The following UGT2B15 variants were observed in gnomAD, a reference collection of about 807,000 sequenced individuals.
UGT2B15 encodes UDP-glucuronosyltransferase 2B15.
Under a neutral mutation model 45.9 loss-of-function variants are expected in UGT2B15, and 36 were observed. The ratio of observed to expected loss-of-function variants is 0.78; its 90% CI spans 0.60 to 1.04. The LOEUF (loss-of-function observed/expected upper bound fraction) is 1.04, where lower values mean the gene tolerates loss of function less well. Among genes scored for constraint, UGT2B15 ranks in the 50% least tolerant of loss-of-function variants. The pLI is 0.00. For missense variants in UGT2B15, 617 were observed against 622.4 expected (o/e 0.99, Z 0.09); for synonymous variants, 219 against 216.4 (o/e 1.01, Z -0.11).
At chr4:68,662,003 C>T (rs944077343) in intron 3 of UGT2B15, among the ~76,000 whole-genome samples, 8 of 152,078 alleles carry the variant, frequency 5.3e-5, no homozygotes, top group African/African-American at 1.9e-4. Context: ...TTTTAGAATT[C>T]CCAAGCAATC....
intron 4 of UGT2B15, among the ~76,000 whole-genome samples, chr4:68,654,557 T>C (rs950597850): frequency 3.3e-5 from 5 of 151,830 alleles, no homozygotes; most frequent in African/African-American, 1.2e-4. Flanking sequence ...AATATTTAAA[T>C]ACTTAAAATA....
chr4:68,647,674 G>A (rs914220942), intron 5 of UGT2B15, among the ~76,000 whole-genome samples: 2 of 152,042 alleles, frequency 1.3e-5, no homozygotes, highest in African/African-American at 4.8e-5. Flanking sequence ...CTATAAGTAA[G>A]ATAGTGGAAA....
Position 68,650,323 on chromosome 4 carries a change from C to CG in UGT2B15, c.1314-2941dup, listed in dbSNP as rs1732614087. Among the ~76,000 whole-genome samples, 10 of 151,960 alleles carry CG rather than the reference C, an allele frequency of 6.6e-5. 1 individual carries two copies. In the South Asian group the frequency reaches 2.1e-3, roughly 32 times the overall value. ...ATACTCTCACTCCCCTTCCATCCCC[C>CG]GGTGTGTGTTGTTCCCCTCCCTGAG... is the stretch of plus-strand genomic sequence containing the variant. On this transcript the variant is annotated intron_variant, in intron 5 of 5. Transcript: ENST00000338206.
chr4:68,664,826 T>C (rs1578200084), intron 2 of UGT2B15, among the ~76,000 whole-genome samples: 2 of 152,022 alleles, frequency 1.3e-5, no homozygotes, highest in Non-Finnish European at 2.9e-5. Flanking sequence ...AGCCTCCCGA[T>C]GTGCTGGGAT....
chr4:68,653,237 C>T (rs1246903027), intron 5 of UGT2B15, among the ~76,000 whole-genome samples: 5 of 151,832 alleles, frequency 3.3e-5, no homozygotes, highest in East Asian at 3.9e-4. Context: ...ATTGGAAAGA[C>T]CTAAAATGTC....
At chr4:68,666,342 T>C (rs1733117971) in intron 2 of UGT2B15, among the ~76,000 whole-genome samples, 1 of 152,170 alleles carries the variant, frequency 6.6e-6, no homozygotes, top group Admixed American at 6.6e-5. Context: ...CAATCACTAT[T>C]AAATGAAGAC....
intron 5 of UGT2B15, among the ~76,000 whole-genome samples, chr4:68,648,788 GTT>G (rs1297009029): frequency 3.3e-5 from 5 of 151,870 alleles, no homozygotes; most frequent in African/African-American, 1.2e-4. Context: ...GATTAGTATT[GTT>G]TATATAATTG....
At chr4:68,665,298 CA>C (rs1287787390) in intron 2 of UGT2B15, among the ~76,000 whole-genome samples, 3 of 151,950 alleles carry the variant, frequency 2.0e-5, no homozygotes, top group East Asian at 1.9e-4. Flanking sequence ...TTTTATTCTA[CA>C]AAAAAACTGT....
chr4:68,664,724 G>A (rs1039349729), intron 2 of UGT2B15, among the ~76,000 whole-genome samples: 41 of 151,796 alleles, frequency 2.7e-4, no homozygotes, highest in Non-Finnish European at 4.4e-4. Context: ...CTGCCACCAC[G>A]CCTGGCTAAT....
At chr4:68,650,541 C>T (rs553971121) in intron 5 of UGT2B15, among the ~76,000 whole-genome samples, 2 of 152,162 alleles carry the variant, frequency 1.3e-5, no homozygotes, top group Non-Finnish European at 2.9e-5. Flanking sequence ...TTTATCCAGT[C>T]TATCACTGAT....
In UGT2B15 at chr4:68,647,257, T is replaced by G; in HGVS notation, c.1440A>C (p.Ala480=). Residue 480 remains alanine, a synonymous_variant, in exon 6 of 6, where the codon GCA becomes GCC. Coordinates refer to ENST00000338206, the MANE Select transcript of UGT2B15 (RefSeq NM_001076.4). ...RHKGAKHLRV[A]AHNLTWIQYH... is the part of the protein sequence containing the mutation. ...ACTGGATCCAGGTGAGGTTGTGAGC[T>G]GCGACTCGAAGGTGCTTGGCTCCTT... 1 of 1,614,028 alleles carries G rather than the reference T, an allele frequency of 6.2e-7. No homozygotes were observed. The highest frequency in any genetic ancestry group is 8.5e-7 in the Non-Finnish European group (1 of 1,179,942).
At chr4:68,669,642 A>G (rs1250718372) in intron 1 of UGT2B15, among the ~76,000 whole-genome samples, 3 of 152,184 alleles carry the variant, frequency 2.0e-5, no homozygotes, top group African/African-American at 7.2e-5. Context: ...GATAGTTTAA[A>G]GAAATCATTA....
intron 3 of UGT2B15, among the ~76,000 whole-genome samples, chr4:68,661,239 C>A (rs74750567): frequency 0.046 from 6,951 of 152,010 alleles, 231 homozygotes; most frequent in African/African-American, 0.077. Context: ...CAAAGTCACC[C>A]CTCTGCTCAC....
chr4:68,667,937 C>T, intron 2 of UGT2B15, 103 bp downstream of exon 2: 1 of 1,488,048 alleles, frequency 6.7e-7, no homozygotes, highest in Non-Finnish European at 9.0e-7. Flanking sequence ...TGTTTTTGAC[C>T]TCCCATATTC....
rs1259042146 is a variant in UGT2B15 at position 68,661,457 on chromosome 4, C to T, written c.1005+1551G>A. On this transcript the variant is annotated intron_variant, in intron 3 of 5. Transcript: ENST00000338206. Reference sequence around the variant, plus strand: ...CTTAATTCTAGTAATAAAAAAGTAGCAAATTAGTAATAACCTATATATTTA... The same window carrying T: ...CTTAATTCTAGTAATAAAAAAGTAGTAAATTAGTAATAACCTATATATTTA... Among the ~76,000 whole-genome samples the T allele has an allele frequency of 1.3e-5, 2 of 151,848 alleles. 1 individual carries two copies. Among genetic ancestry groups the T allele is most frequent in the Non-Finnish European group, 2.9e-5 (2 of 67,930 alleles).
intron 2 of UGT2B15, among the ~76,000 whole-genome samples, chr4:68,666,744 A>G (rs1366472710): frequency 2.7e-5 from 2 of 75,174 alleles, no homozygotes; most frequent in Admixed American, 3.3e-4. Flanking sequence ...ATATATATAT[A>G]TATATATATT....
chr4:68,657,327 C>T (rs1560606712), intron 3 of UGT2B15, among the ~76,000 whole-genome samples: 1 of 152,098 alleles, frequency 6.6e-6, no homozygotes, highest in Non-Finnish European at 1.5e-5. Flanking sequence ...CCAGGAAACA[C>T]ATATGAGGGC....
In UGT2B15 at chr4:68,646,928, A is replaced by G; in HGVS notation, c.*176T>C. 1 of 798,314 alleles carries G rather than the reference A, an allele frequency of 1.3e-6. No individual in the cohort carries two copies. Among genetic ancestry groups the G allele is most frequent in the Admixed American group, 5.1e-5 (1 of 19,788 alleles). The allele number at this position is 798,314 out of a possible 1,614,324, so 49.5% of individuals were successfully genotyped here. ...ATAGCTTAAAAATCATTGACATAGA[A>G]TAATTCAGCTAAAGTACGTATTAAA... On this transcript the variant is annotated 3_prime_UTR_variant, in exon 6 of 6. Transcript: ENST00000338206.
chr4:68,652,253 G>A (rs1314977163), intron 5 of UGT2B15, among the ~76,000 whole-genome samples: 3 of 151,940 alleles, frequency 2.0e-5, no homozygotes, highest in Non-Finnish European at 4.4e-5. Context: ...TGCTGAAGTT[G>A]CTTATCAGCT....
Sources: gnomAD v4.1 joint callset for allele counts (sites outside exome capture counted in the v4.1 genomes callset) on GRCh38, gnomAD v4.1.1 for gene constraint, MANE v1.5 for transcripts, NCBI Gene and HGNC (gene_info 2026-07-23, HGNC 2026-07-21) for gene names.